Variants in FAT3 observed in about 807,000 individuals in gnomAD.
The protein encoded by FAT3 is FAT atypical cadherin 3.
FAT3 carries 95 observed loss-of-function variants against 310.2 expected under a neutral mutation model. The ratio of observed to expected loss-of-function variants is 0.31; its 90% CI spans 0.26 to 0.36. The LOEUF (loss-of-function observed/expected upper bound fraction) is 0.36. Among genes scored for constraint, FAT3 ranks in the 10% least tolerant of loss-of-function variants. The probability of loss-of-function intolerance (pLI) is 1.00; values close to 1 mark genes in which losing one functional copy is unlikely to be tolerated. For missense variants in FAT3, 5,408 were observed against 5,715.6 expected (o/e 0.95, Z 1.74); for synonymous variants, 2,314 against 2,192.9 (o/e 1.06, Z -1.54).
intron 4 of FAT3, among the ~76,000 whole-genome samples, chr11:92,722,532 G>A (rs1429437133): frequency 6.6e-6 from 1 of 152,190 alleles, no homozygotes; most frequent in Non-Finnish European, 1.5e-5. Context: ...GGGGCCTGGA[G>A]AACAGTGGCC....
intron 2 of FAT3, among the ~76,000 whole-genome samples, chr11:92,444,356 G>A (rs1364418662): frequency 2.6e-5 from 4 of 151,754 alleles, no homozygotes; most frequent in East Asian, 1.9e-4. Flanking sequence ...TCTGAACCCC[G>A]GTCTCCTATC....
At chr11:92,319,534 T>G (rs146650635) in intron 1 of FAT3, among the ~76,000 whole-genome samples, 194 of 152,330 alleles carry the variant, frequency 1.3e-3, no homozygotes, top group African/African-American at 4.2e-3. Flanking sequence ...TATAATAGTG[T>G]GAATATTCCT....
chr11:92,728,986 A>C (rs1157189350), intron 4 of FAT3, among the ~76,000 whole-genome samples: 1 of 152,122 alleles, frequency 6.6e-6, no homozygotes, highest in South Asian at 2.1e-4. Flanking sequence ...GGTTCTAGAG[A>C]TTAGGATTTG....
At chr11:92,266,538 G>A (rs78875046) in intron 1 of FAT3, among the ~76,000 whole-genome samples, 3,258 of 152,080 alleles carry the variant, frequency 0.021, 120 homozygotes, top group African/African-American at 0.074. Context: ...TAATTCTAGC[G>A]GGTATATGTT....
intron 2 of FAT3, among the ~76,000 whole-genome samples, chr11:92,385,604 G>C (rs1949599333): frequency 6.6e-6 from 1 of 151,944 alleles, no homozygotes; most frequent in African/African-American, 2.4e-5. Flanking sequence ...CTGGCCTGAG[G>C]TGATCCACCT....
At chr11:92,517,620 A>C (rs1337845033) in intron 2 of FAT3, among the ~76,000 whole-genome samples, 1 of 152,206 alleles carries the variant, frequency 6.6e-6, no homozygotes, top group Non-Finnish European at 1.5e-5. Context: ...AAAATTGACA[A>C]ATGGGATCTA....
At chr11:92,501,970 C>G (rs768592595) in intron 2 of FAT3, among the ~76,000 whole-genome samples, 2 of 151,126 alleles carry the variant, frequency 1.3e-5, no homozygotes, top group Non-Finnish European at 2.9e-5. Flanking sequence ...AAAATGCACG[C>G]GCGCGTGTGT....
intron 3 of FAT3, among the ~76,000 whole-genome samples, chr11:92,673,651 G>A (rs1034383281): frequency 1.3e-5 from 2 of 152,116 alleles, no homozygotes; most frequent in East Asian, 3.9e-4. Flanking sequence ...TGCCTCAATG[G>A]TGCTATGCTA....
intron 3 of FAT3, among the ~76,000 whole-genome samples, chr11:92,557,319 A>T (rs1057449596): frequency 6.6e-6 from 1 of 152,068 alleles, no homozygotes; most frequent in African/African-American, 2.4e-5. Flanking sequence ...GTCTCCCAGG[A>T]TTCCCCTGCA....
intron 3 of FAT3, among the ~76,000 whole-genome samples, chr11:92,615,281 T>A (rs778807252): frequency 2.0e-5 from 3 of 152,214 alleles, no homozygotes; most frequent in Non-Finnish European, 4.4e-5. Context: ...AGTTTCGGTC[T>A]TGTTGCCCAG....
At chr11:92,845,596 G>A (rs180783460) in intron 19 of FAT3, among the ~76,000 whole-genome samples, 73 of 152,290 alleles carry the variant, frequency 4.8e-4, no homozygotes, top group African/African-American at 1.7e-3. Context: ...TCACATGCCC[G>A]TAGTGATCGA....
At position 92,529,239 on chromosome 11, in the gene FAT3, A is replaced by G. The variant is rs1353627250; in HGVS notation, c.3607+4291A>G. On this transcript the variant is annotated intron_variant, in intron 3 of 27. Coordinates refer to ENST00000525166, the MANE Select transcript of FAT3 (RefSeq NM_001367949.2). ...AAAGAGTGGAGCTTTGTGGATTATA[A>G]GCTATGAACAGTGTAACATGTCAGA... Among the ~76,000 whole-genome samples, 4 of 152,234 alleles carry G rather than the reference A, an allele frequency of 2.6e-5. No homozygotes were observed. The East Asian group carries it at 7.7e-4, about 29-fold the overall frequency.
chr11:92,451,061 T>G (rs893796116), intron 2 of FAT3, among the ~76,000 whole-genome samples: 1 of 152,180 alleles, frequency 6.6e-6, no homozygotes, highest in Non-Finnish European at 1.5e-5. Flanking sequence ...CTTTTCCTCT[T>G]TGCTGAACCT....
intron 1 of FAT3, among the ~76,000 whole-genome samples, chr11:92,346,575 C>T (rs944949752): frequency 6.6e-6 from 1 of 152,012 alleles, no homozygotes; most frequent in Non-Finnish European, 1.5e-5. Context: ...GTTTTGTATC[C>T]CTGCTTCTGA....
rs533243544 is a variant in FAT3, at chr11:92,832,369, A to G, written c.9871+358A>G. ...AATAATAGTAAGAATGCAGGACTTCACTATATCCTGCTTCTCCCGAAAACA... is the reference window on the plus strand; with the variant it reads ...AATAATAGTAAGAATGCAGGACTTCGCTATATCCTGCTTCTCCCGAAAACA... On this transcript the variant is annotated intron_variant, in intron 14 of 27. Coordinates refer to ENST00000525166, the MANE Select transcript of FAT3 (RefSeq NM_001367949.2). Among the ~76,000 whole-genome samples the G allele has an allele frequency of 1.4e-4, 22 of 152,078 alleles. No individual in the cohort carries two copies. The East Asian group carries it at 3.9e-3, about 27-fold the overall frequency.
intron 3 of FAT3, among the ~76,000 whole-genome samples, chr11:92,640,676 G>T (rs1163153192): frequency 6.6e-6 from 1 of 152,138 alleles, no homozygotes. Context: ...CTTATTTTAT[G>T]AATGCAGTTA....
chr11:92,688,040 A>G (rs1305705913), intron 3 of FAT3, among the ~76,000 whole-genome samples: 1 of 151,902 alleles, frequency 6.6e-6, no homozygotes, highest in African/African-American at 2.4e-5. Context: ...CAAAAAAAAA[A>G]AAAAATTTTT....
intron 3 of FAT3, among the ~76,000 whole-genome samples, chr11:92,566,476 G>T (rs897179371): frequency 1.3e-5 from 2 of 151,918 alleles, no homozygotes; most frequent in African/African-American, 4.8e-5. Context: ...GTAATTTATA[G>T]ATTCAATGCC....
intron 13 of FAT3, among the ~76,000 whole-genome samples, chr11:92,830,238 C>T (rs142853617): frequency 2.0e-4 from 30 of 152,308 alleles, no homozygotes; most frequent in African/African-American, 6.5e-4. Flanking sequence ...TTTTGAAGTG[C>T]TGAAATCCTC....
Sources: allele counts gnomAD v4.1 joint callset (sites outside exome capture counted in the v4.1 genomes callset), GRCh38; gene constraint gnomAD v4.1.1; transcripts MANE v1.5; gene names NCBI Gene and HGNC (gene_info 2026-07-23, HGNC 2026-07-21).